SLC41A2: variants seen among roughly 807,000 people sequenced by gnomAD.
The protein encoded by SLC41A2 is SLC41A1-like 1.
A neutral mutation model predicts 58.3 loss-of-function variants in SLC41A2; 32 were observed. The observed-to-expected ratio is 0.55, with a 90% CI of 0.41 to 0.74. The LOEUF is 0.74. Ranked by LOEUF, SLC41A2 falls within the 30% of genes least tolerant of loss-of-function variation. SLC41A2 has a pLI of 0.00. For synonymous variants in SLC41A2, 190 were observed against 235.0 expected (o/e 0.81, Z 1.75); for missense variants, 514 against 680.6 (o/e 0.76, Z 2.72).
intron 7 of SLC41A2, 29 bp downstream of exon 7, chr12:104,866,398 ACACAC>A (rs1366663240): frequency 6.3e-6 from 10 of 1,584,412 alleles, no homozygotes; most frequent in Non-Finnish European, 8.6e-6. Context: ...ACACACACAC[ACACAC>A]ACACACACAC....
intron 10 of SLC41A2, among the ~76,000 whole-genome samples, chr12:104,840,162 G>C (rs1209706036): frequency 6.6e-6 from 1 of 152,160 alleles, no homozygotes; most frequent in African/African-American, 2.4e-5. Flanking sequence ...TAAAAGGAAG[G>C]CCAGCAATGC....
chr12:104,893,872 G>A (rs2045144253), intron 4 of SLC41A2, among the ~76,000 whole-genome samples: 1 of 152,034 alleles, frequency 6.6e-6, no homozygotes, highest in Admixed American at 6.6e-5. Context: ...GTAGTAGGAG[G>A]GTATGGGGGA....
chr12:104,858,712 G>A (rs1045548595), intron 8 of SLC41A2, among the ~76,000 whole-genome samples: 8 of 152,190 alleles, frequency 5.3e-5, no homozygotes, highest in African/African-American at 1.4e-4. Context: ...GGGTTTGGTC[G>A]TGTTGCCCAG....
intron 10 of SLC41A2, among the ~76,000 whole-genome samples, chr12:104,807,478 T>C (rs2040965776): frequency 6.6e-6 from 1 of 152,228 alleles, no homozygotes; most frequent in Non-Finnish European, 1.5e-5. Flanking sequence ...CCTTGTAGTA[T>C]AGTTTGAAGT....
At chr12:104,892,200 A>T (rs868416156) in intron 4 of SLC41A2, among the ~76,000 whole-genome samples, 106 of 151,844 alleles carry the variant, frequency 7.0e-4, no homozygotes, top group Middle Eastern at 6.8e-3. Flanking sequence ...AGGTGGGAGA[A>T]TTGCTTGAAC....
chr12:104,871,643 T>A (rs960709704), intron 6 of SLC41A2, among the ~76,000 whole-genome samples: 1 of 152,242 alleles, frequency 6.6e-6, no homozygotes, highest in Non-Finnish European at 1.5e-5. Context: ...TATATCCTCA[T>A]CAAAATGATT....
chr12:104,861,623 T>C (rs2043215056), intron 7 of SLC41A2, among the ~76,000 whole-genome samples: 1 of 152,206 alleles, frequency 6.6e-6, no homozygotes, highest in Non-Finnish European at 1.5e-5. Context: ...AGAAAAAGCA[T>C]ACGCTTTAAA....
intron 1 of SLC41A2, among the ~76,000 whole-genome samples, chr12:104,937,336 TA>T (rs2047323219): frequency 6.6e-6 from 1 of 152,228 alleles, no homozygotes; most frequent in Non-Finnish European, 1.5e-5. Context: ...GTAAATGCCC[TA>T]TACAGGTGTA....
chr12:104,867,937 T>C (rs2043554240), intron 6 of SLC41A2, among the ~76,000 whole-genome samples: 1 of 151,862 alleles, frequency 6.6e-6, no homozygotes, highest in African/African-American at 2.4e-5. Context: ...ATTTCTTCCA[T>C]ATCATGTAGG....
rs572439605 is a variant in SLC41A2 at position 104,890,583 on chromosome 12, A to G, written c.736-1406T>C. On this transcript the variant is annotated intron_variant, in intron 4 of 10. Transcript: ENST00000258538. ...TAAAAGCACACAGCTGAGATGAGGAAGTCCTATTCTGGAAATATGCAAAAT... is the reference window on the plus strand; with the variant it reads ...TAAAAGCACACAGCTGAGATGAGGAGGTCCTATTCTGGAAATATGCAAAAT... Among the ~76,000 whole-genome samples the G allele has an allele frequency of 5.7e-4, 87 of 152,320 alleles. 4 individuals are homozygous for G. In the South Asian group the frequency reaches 0.013, roughly 23 times the overall value.
chr12:104,833,025 A>G (rs1278570467), intron 10 of SLC41A2, among the ~76,000 whole-genome samples: 1 of 152,240 alleles, frequency 6.6e-6, no homozygotes, highest in Non-Finnish European at 1.5e-5. Flanking sequence ...AGAGTTCTCT[A>G]CACTGAAATC....
chr12:104,956,488 G>A (rs995828061), intron 1 of SLC41A2, among the ~76,000 whole-genome samples: 3 of 152,134 alleles, frequency 2.0e-5, no homozygotes, highest in African/African-American at 7.2e-5. Context: ...AGACCAACCT[G>A]GCCAACATGG....
intron 4 of SLC41A2, among the ~76,000 whole-genome samples, chr12:104,890,254 T>C (rs1199758588): frequency 6.6e-6 from 1 of 152,134 alleles, no homozygotes; most frequent in Non-Finnish European, 1.5e-5. Context: ...TATCCTGGAC[T>C]CCAGCCCCAT....
chr12:104,928,350 T>C lies in SLC41A2; in HGVS notation c.178A>G (p.Lys60Glu). 6.2e-7 allele frequency: 1 copy of C among 1,609,682 alleles called. No homozygotes were observed. Among genetic ancestry groups the C allele is most frequent in the Non-Finnish European group, 8.5e-7 (1 of 1,177,578 alleles). The change falls in exon 2 of 11, where the codon AAA becomes GAA. Residue 60 changes from lysine to glutamate, a missense_variant. Lys to Glu is a moderately conservative substitution (Grantham distance 56, BLOSUM62 1). Coordinates refer to ENST00000258538, the MANE Select transcript of SLC41A2 (RefSeq NM_001352171.3). ...CCATCTTGCCAAATGCCGTTTGCTT[T>C]TTTGTGCCTGTCTTCTTGGTTTTTC... Reference protein sequence around the residue: ...YQKNQEDRHKKANGIWQDGLS... With the variant: ...YQKNQEDRHKEANGIWQDGLS...
intron 8 of SLC41A2, among the ~76,000 whole-genome samples, chr12:104,848,076 T>C (rs898006649): frequency 6.6e-6 from 1 of 152,164 alleles, no homozygotes; most frequent in Admixed American, 6.5e-5. Context: ...TTAATGAAGA[T>C]AGACCATATT....
rs2046916828 is a variant in SLC41A2, at chr12:104,928,116, C to G, written c.412G>C (p.Asp138His). ...TCTACAATAGCATCTTCATCACCAT[C>G]ACTAGATATATCTTCATCTTGTAAC... Reference protein sequence around the residue: ...AMLQDEDISSDGDEDAIVEVT... With the variant: ...AMLQDEDISSHGDEDAIVEVT... The change falls in exon 2 of 11, where the codon GAT becomes CAT. Residue 138 changes from aspartate to histidine, a missense_variant. This residue lies in a region of SLC41A2 where 336 missense variants were observed against 430.0 expected (regional missense o/e 0.78). Transcript: ENST00000258538. The G allele has an allele frequency of 1.9e-6, 3 of 1,614,202 alleles. No individual in the cohort carries two copies. Among genetic ancestry groups the G allele is most frequent in the Non-Finnish European group, 2.5e-6 (3 of 1,180,022 alleles).
chr12:104,909,961 C>T (rs1411119379), intron 2 of SLC41A2, among the ~76,000 whole-genome samples, 199 bp from the exon 3 acceptor site: 1 of 152,130 alleles, frequency 6.6e-6, no homozygotes, highest in Non-Finnish European at 1.5e-5. Flanking sequence ...TTAAAAGATG[C>T]TGTTAGAGTT....
At chr12:104,947,866 T>C (rs1565924129) in intron 1 of SLC41A2, among the ~76,000 whole-genome samples, 1 of 152,140 alleles carries the variant, frequency 6.6e-6, no homozygotes, top group African/African-American at 2.4e-5. Context: ...ATTTTTATAA[T>C]TTACAAATAA....
chr12:104,875,266 C>T lies in SLC41A2; in HGVS notation c.1028-8687G>A, dbSNP rs1304148852. 3.3e-5 allele frequency among the ~76,000 whole-genome samples: 5 copies of T among 152,046 alleles called. No homozygotes were observed. The East Asian group carries it at 9.6e-4, about 29-fold the overall frequency. On this transcript the variant is annotated intron_variant, in intron 6 of 10. Transcript: ENST00000258538. Reference sequence around the variant, plus strand: ...ATCAGAAATATTAGCCTATAGTTTTCATTTATTTTGTTGTCGTTGTTGTTT... The same window carrying T: ...ATCAGAAATATTAGCCTATAGTTTTTATTTATTTTGTTGTCGTTGTTGTTT...
Sources: gnomAD v4.1 joint callset for allele counts (sites outside exome capture counted in the v4.1 genomes callset) on GRCh38, gnomAD v4.1.1 for gene constraint, gnomAD v4.1.1 regional missense constraint, MANE v1.5 for transcripts, NCBI Gene and HGNC (gene_info 2026-07-23, HGNC 2026-07-21) for gene names.